COL16A1: variants seen among roughly 807,000 people sequenced by gnomAD.
COL16A1 encodes collagen alpha-1(XVI) chain.
Under a neutral mutation model 266.3 loss-of-function variants are expected in COL16A1, and 189 were observed. The observed-to-expected ratio is 0.71, with a 90% CI of 0.63 to 0.80. COL16A1 has a LOEUF of 0.80. COL16A1 is among the 30% of genes least tolerant of loss of function. The pLI, the probability that COL16A1 is intolerant of heterozygous loss-of-function variation, is 0.00. For synonymous variants in COL16A1, 740 were observed against 782.3 expected, an observed-to-expected ratio of 0.95 and a Z score of 0.90; for missense variants, 1,928 against 2,122.4, an observed-to-expected ratio of 0.91 and a Z score of 1.80.
Position 31,698,110 on chromosome 1 carries a change from G to A in COL16A1, c.453C>T (p.Gly151=), listed in dbSNP as rs375215942. 1.6e-4 allele frequency: 266 copies of A among 1,613,850 alleles called. No homozygotes were observed. Among genetic ancestry groups the A allele is most frequent in the Admixed American group, 2.8e-4 (17 of 60,014 alleles). The change falls in exon 6 of 71, where the codon GGC becomes GGT. Residue 151 remains glycine, a synonymous_variant. Coordinates refer to ENST00000373672, the MANE Select transcript of COL16A1 (RefSeq NM_001856.4). This position sits in a 1 kb window ranked among gnomAD's most constrained non-coding sequence, Gnocchi z 4.1. ...CTGGGAAGATGCAGGACACAAAGTC[G>A]CCATCCTGGCCCTGGGCCCTGAGCT... The part of the protein sequence containing the change: ...SLELRAQGQD[G]DFVSCIFPVP...
Position 31,656,256 on chromosome 1 carries a change from C to A in COL16A1, c.4101+144G>T. On this transcript the variant is annotated intron_variant, in intron 66 of 70. Transcript: ENST00000373672. The surrounding 1 kb of genome is among the most constrained non-coding windows in gnomAD (Gnocchi z 4.2). The stretch of plus-strand genomic sequence containing the variant: ...TGACCCCATGTGAGAAATTTTCAGA[C>A]ACTATCCTGCTCCAAGTTCTGCATT... The A allele has an allele frequency of 7.1e-7, 1 of 1,403,140 alleles. No individual in the cohort carries two copies. The highest frequency in any genetic ancestry group is 9.7e-7 in the Non-Finnish European group (1 of 1,036,240). 86.9% of individuals were successfully genotyped at this position (1,403,140 alleles called of 1,614,324 possible).
Position 31,698,460 on chromosome 1 carries a change from A to G in COL16A1, c.390+23T>C. On this transcript the variant is annotated intron_variant, in intron 5 of 70. Coordinates refer to ENST00000373672, the MANE Select transcript of COL16A1 (RefSeq NM_001856.4). This position sits in a 1 kb window ranked among gnomAD's most constrained non-coding sequence, Gnocchi z 4.1. ...GTGCTACCCAATGCCCTAAGAGGCA[A>G]TCAGGGCACAGGGGAGGTTCACCTG... is the stretch of plus-strand genomic sequence containing the variant. 2.5e-6 allele frequency: 4 copies of G among 1,613,826 alleles called. No individual in the cohort carries two copies. Among genetic ancestry groups the G allele is most frequent in the Middle Eastern group, 1.7e-4 (1 of 6,060 alleles).
At position 31,679,648 on chromosome 1, in the gene COL16A1, C is replaced by T. The variant is rs1157976432; in HGVS notation, c.2756G>A (p.Gly919Glu). 6.2e-7 allele frequency: 1 copy of T among 1,614,202 alleles called. No homozygotes were observed. The highest frequency in any genetic ancestry group is 8.5e-7 in the Non-Finnish European group (1 of 1,180,040). ...CCCCTTTACCTGCAGCCCAGGTACT[C>T]CAGGGGGGCCTGGTGGTCCGGGAAT... is the stretch of plus-strand genomic sequence containing the variant. Reference protein sequence around the residue: ...PGIPGPPGPPGVPGLQGVPGN... With the variant: ...PGIPGPPGPPEVPGLQGVPGN... Residue 919 changes from glycine to glutamate, a missense_variant, in exon 42 of 71, where the codon GGA becomes GAA. By Grantham distance (98) the Gly-to-Glu change is moderately conservative. Coordinates refer to ENST00000373672, the MANE Select transcript of COL16A1 (RefSeq NM_001856.4).
In COL16A1 at chr1:31,688,638, A is replaced by C. The variant is rs536354623; in HGVS notation, c.1768-136T>G. 7.2e-4 allele frequency: 939 copies of C among 1,308,784 alleles called. 18 individuals carry two copies. In the South Asian group the frequency reaches 0.011, roughly 15 times the overall value. The allele number at this position is 1,308,784 out of a possible 1,614,324, so 81.1% of individuals were successfully genotyped here. A position where few individuals can be genotyped will look rare whatever the true frequency, so the allele number is the denominator to read the frequency against. ...CTTCAGGTAGCTGGACAGTTTCTTC[A>C]GTTAGACAACTGAAGCTAGAGGTGC... On this transcript the variant is annotated intron_variant, in intron 25 of 70. Transcript: ENST00000373672. The surrounding 1 kb of genome is among the most constrained non-coding windows in gnomAD (Gnocchi z 4.9).
chr1:31,692,144 A>G, intron 16 of COL16A1, 77 bp from the exon 17 acceptor site: 1 of 1,600,132 alleles, frequency 6.2e-7, no homozygotes, highest in Non-Finnish European at 8.5e-7. Flanking sequence ...TGGTGGAGGG[A>G]CAACTGCCTT....
intron 59 of COL16A1, 21 bp from the exon 60 acceptor site, chr1:31,661,479 T>C: frequency 6.2e-7 from 1 of 1,614,034 alleles, no homozygotes. Context: ...AAGCAGGGAG[T>C]TCTCATGTCC....
chr1:31,661,803 C>T, intron 58 of COL16A1, 99 bp from the exon 59 acceptor site: 1 of 1,310,726 alleles, frequency 7.6e-7, no homozygotes, highest in Non-Finnish European at 1.0e-6. Context: ...CCCCAGCTAT[C>T]CTAAGATGGA....
chr1:31,658,859 A>G, intron 63 of COL16A1, 55 bp downstream of exon 63: 3 of 1,536,608 alleles, frequency 2.0e-6, no homozygotes, highest in Admixed American at 3.9e-5. Flanking sequence ...TGGAGCCCAC[A>G]GTCAAGCAGG....
At position 31,686,030 on chromosome 1, in the gene COL16A1, G is replaced by T; in HGVS notation, c.1884+61C>A. 6 of 1,603,612 alleles carry T rather than the reference G, an allele frequency of 3.7e-6. No individual in the cohort carries two copies. In the Admixed American group the frequency reaches 1.0e-4, roughly 27 times the overall value. On this transcript the variant is annotated intron_variant, in intron 28 of 70. Coordinates refer to ENST00000373672, the MANE Select transcript of COL16A1 (RefSeq NM_001856.4). ...CCCCAGAGGGTTCGAAGTCGAGCAA[G>T]ACGAGTGTCTATCTAGGAAGCTCAC...
intron 52 of COL16A1, chr1:31,666,354 A>G: frequency 2.0e-6 from 1 of 494,428 alleles, no homozygotes; most frequent in South Asian, 2.9e-5. Flanking sequence ...TGATTATGTC[A>G]CTCTCTTGCT....
At chr1:31,654,650 C>T in intron 68 of COL16A1, 142 bp downstream of exon 68, 2 of 1,485,652 alleles carry the variant, frequency 1.3e-6, no homozygotes, top group Non-Finnish European at 1.8e-6. Context: ...GAACATCTGC[C>T]TGTCAACCCC....
rs769558622 is a variant in COL16A1 at position 31,698,112 on chromosome 1, C to G, written c.451G>C (p.Gly151Arg). 9.9e-6 allele frequency: 16 copies of G among 1,613,852 alleles called. No homozygotes were observed. In the South Asian group the frequency reaches 1.8e-4, roughly 18 times the overall value. Reference sequence around the variant, plus strand: ...GGGAAGATGCAGGACACAAAGTCGCCATCCTGGCCCTGGGCCCTGAGCTCC... The same window carrying G: ...GGGAAGATGCAGGACACAAAGTCGCGATCCTGGCCCTGGGCCCTGAGCTCC... Reference protein sequence around the residue: ...SLELRAQGQDGDFVSCIFPVP... With the variant: ...SLELRAQGQDRDFVSCIFPVP... The change falls in exon 6 of 71, where the codon GGC becomes CGC. Residue 151 changes from glycine to arginine, a missense_variant. Physicochemically the swap from Gly to Arg is moderately radical, Grantham distance 125. Coordinates refer to ENST00000373672, the MANE Select transcript of COL16A1 (RefSeq NM_001856.4). The surrounding 1 kb of genome is among the most constrained non-coding windows in gnomAD (Gnocchi z 4.1).
chr1:31,699,780 GT>G, intron 4 of COL16A1, 32 bp downstream of exon 4: 1 of 1,353,390 alleles, frequency 7.4e-7, no homozygotes, highest in South Asian at 1.2e-5. Flanking sequence ...TGAGGTCAGT[GT>G]TGATTCTCAG....
chr1:31,672,364 G>A (rs1251210370), intron 47 of COL16A1, 52 bp downstream of exon 47: 2 of 1,606,902 alleles, frequency 1.2e-6, no homozygotes, highest in African/African-American at 2.7e-5. Context: ...AGGTCTCAAA[G>A]GCAGACAGGG....
chr1:31,672,570 C>T (rs373129490), intron 46 of COL16A1, 26 bp downstream of exon 46: 16 of 1,610,662 alleles, frequency 9.9e-6, no homozygotes, highest in East Asian at 4.5e-5. Flanking sequence ...GGGGCATGAT[C>T]GGGGGAGATA....
chr1:31,666,208 C>T, intron 52 of COL16A1, 127 bp from the exon 53 acceptor site: 2 of 1,005,726 alleles, frequency 2.0e-6, no homozygotes, highest in African/African-American at 3.3e-5. Flanking sequence ...GCTGGCAGGC[C>T]CCCTCTGCCT....
At chr1:31,699,983 C>G (rs1469610592) in intron 3 of COL16A1, 53 bp from the exon 4 acceptor site, 7 of 1,606,190 alleles carry the variant, frequency 4.4e-6, no homozygotes, top group African/African-American at 1.3e-5. Flanking sequence ...GAGAGGGGTA[C>G]AGATCACTCC....
chr1:31,696,226 T>A, intron 8 of COL16A1, 85 bp from the exon 9 acceptor site: 1 of 1,239,714 alleles, frequency 8.1e-7, no homozygotes, highest in East Asian at 2.3e-5. Flanking sequence ...GCAGGGGGCA[T>A]GGGCCCCAGG....
chr1:31,696,105 C>T lies in COL16A1; in HGVS notation c.901G>A (p.Ala301Thr), dbSNP rs769278520. The T allele has an allele frequency of 1.8e-5, 29 of 1,612,268 alleles. No homozygotes were observed. The highest frequency in any genetic ancestry group is 1.6e-4 in the Middle Eastern group (1 of 6,078). ...AQLTGRISQK[A>T]ERGAKVHQET... Reference sequence around the variant, plus strand: ...ACCTCTACCTTTGCTCCCCTTTCTGCCTTCTGGCTGATTCTTCCCGTCAGC... The same window carrying T: ...ACCTCTACCTTTGCTCCCCTTTCTGTCTTCTGGCTGATTCTTCCCGTCAGC... Residue 301 changes from alanine (A) to threonine (T), a missense_variant, in exon 9 of 71, where the codon GCA (alanine) becomes ACA (threonine). Around this residue, in one of 2 missense-constraint regions of COL16A1, gnomAD observed 1,552 missense variants for 1,637.2 expected, o/e 0.95. Transcript: ENST00000373672.
Sources: allele counts gnomAD v4.1 joint callset, GRCh38; gene constraint gnomAD v4.1.1; regional missense constraint gnomAD v4.1.1; non-coding constraint Gnocchi (gnomAD v3.1); transcripts MANE v1.5; gene names NCBI Gene and HGNC (gene_info 2026-07-23, HGNC 2026-07-21).